Variants in DENND1A observed in about 807,000 individuals in gnomAD.
The protein encoded by DENND1A is DENN domain containing 1A, also known as DENN domain-containing protein 1A.
DENND1A carries 51 observed loss-of-function variants against 113.7 expected under a neutral mutation model. The ratio of observed to expected loss-of-function variants is 0.45; its 90% CI spans 0.36 to 0.57. The LOEUF (loss-of-function observed/expected upper bound fraction) is 0.57, where lower values mean the gene tolerates loss of function less well. Ranked by LOEUF, DENND1A falls within the 20% of genes least tolerant of loss-of-function variation. DENND1A has a pLI of 0.00. For missense variants in DENND1A, 1,258 were observed against 1,395.9 expected, an observed-to-expected ratio of 0.90 and a Z score of 1.57; for synonymous variants, 565 against 570.8, an observed-to-expected ratio of 0.99 and a Z score of 0.14.
At chr9:123,703,308 G>A (rs550325372) in intron 5 of DENND1A, among the ~76,000 whole-genome samples, 5 of 152,276 alleles carry the variant, frequency 3.3e-5, no homozygotes, top group Admixed American at 6.5e-5. Context: ...AGGGATATAC[G>A]TTATAAAAAG....
At chr9:123,452,561 G>C (rs1564515648) in intron 16 of DENND1A, among the ~76,000 whole-genome samples, 1 of 151,964 alleles carries the variant, frequency 6.6e-6, no homozygotes, top group Non-Finnish European at 1.5e-5. Context: ...TGTATGGACT[G>C]GGGATGAGGA....
intron 10 of DENND1A, among the ~76,000 whole-genome samples, chr9:123,626,102 A>C (rs1338292091): frequency 2.0e-5 from 3 of 151,566 alleles, no homozygotes; most frequent in South Asian, 4.2e-4. Context: ...CAATTTGCCC[A>C]GGCTGGTCTC....
At chr9:123,413,777 GT>G (rs1257278558) in intron 19 of DENND1A, 3 of 985,470 alleles carry the variant, frequency 3.0e-6, no homozygotes, top group Non-Finnish European at 3.6e-6. Flanking sequence ...AGGCCACCAT[GT>G]TTTTTCCCCT....
chr9:123,616,834 C>A (rs1369430738), intron 10 of DENND1A, among the ~76,000 whole-genome samples: 2 of 152,246 alleles, frequency 1.3e-5, no homozygotes, highest in African/African-American at 4.8e-5. Flanking sequence ...ATATCAGGCA[C>A]CATGCTGGCC....
intron 10 of DENND1A, among the ~76,000 whole-genome samples, chr9:123,621,421 A>G (rs2060958339): frequency 6.6e-6 from 1 of 152,092 alleles, no homozygotes; most frequent in South Asian, 2.1e-4. Context: ...TCTTGGCCCC[A>G]AGTGATCCAC....
intron 9 of DENND1A, among the ~76,000 whole-genome samples, chr9:123,646,996 C>T (rs2062372249): frequency 6.6e-6 from 1 of 152,138 alleles, no homozygotes; most frequent in South Asian, 2.1e-4. Context: ...AAATCATTTT[C>T]CCTTAGAAGG....
At chr9:123,713,094 T>C (rs2066741467) in intron 5 of DENND1A, among the ~76,000 whole-genome samples, 1 of 152,166 alleles carries the variant, frequency 6.6e-6, no homozygotes, top group Non-Finnish European at 1.5e-5. Context: ...TGAAGAGAAG[T>C]ATGCAGAAAA....
intron 13 of DENND1A, among the ~76,000 whole-genome samples, chr9:123,544,101 A>G (rs2056483916): frequency 1.3e-5 from 2 of 152,228 alleles, no homozygotes; most frequent in African/African-American, 4.8e-5. Context: ...CATGATTGTC[A>G]ATAATTTGCT....
intron 5 of DENND1A, among the ~76,000 whole-genome samples, chr9:123,707,780 TAG>T (rs1256864507): frequency 6.6e-6 from 1 of 152,064 alleles, no homozygotes; most frequent in Non-Finnish European, 1.5e-5. Flanking sequence ...GAAGAGGAAA[TAG>T]AGACCTAATG....
At chr9:123,713,289 G>A (rs2066753440) in intron 5 of DENND1A, among the ~76,000 whole-genome samples, 1 of 152,222 alleles carries the variant, frequency 6.6e-6, no homozygotes, top group Admixed American at 6.5e-5. Flanking sequence ...GAGATCACCT[G>A]AGGACTAAAA....
At chr9:123,570,763 C>T (rs751977150) in intron 12 of DENND1A, among the ~76,000 whole-genome samples, 7 of 152,128 alleles carry the variant, frequency 4.6e-5, no homozygotes, top group Non-Finnish European at 8.8e-5. Flanking sequence ...AAGGCCTAGT[C>T]CCTCGCTTCT....
At chr9:123,526,490 C>T (rs891142139) in intron 13 of DENND1A, among the ~76,000 whole-genome samples, 1 of 152,194 alleles carries the variant, frequency 6.6e-6, no homozygotes, top group Admixed American at 6.5e-5. Context: ...TCCCTCAGCC[C>T]TACATGACCA....
chr9:123,435,000 G>T (rs1217257928), intron 19 of DENND1A, among the ~76,000 whole-genome samples: 2 of 152,226 alleles, frequency 1.3e-5, no homozygotes, highest in African/African-American at 4.8e-5. Flanking sequence ...GGGGTGGAAG[G>T]AGAGGATCTG....
At chr9:123,497,840 C>G (rs1344700259) in intron 13 of DENND1A, among the ~76,000 whole-genome samples, 1 of 141,696 alleles carries the variant, frequency 7.1e-6, no homozygotes, top group Admixed American at 7.0e-5. Context: ...AAGAAAAAAT[C>G]TATCATTCTA....
At chr9:123,736,150 T>G (rs1255223710) in intron 5 of DENND1A, among the ~76,000 whole-genome samples, 1 of 152,240 alleles carries the variant, frequency 6.6e-6, no homozygotes, top group Non-Finnish European at 1.5e-5. Context: ...TTTGTCTTTA[T>G]CAAGGCTAAA....
chr9:123,708,273 A>G (rs750997649), intron 5 of DENND1A, among the ~76,000 whole-genome samples: 1 of 152,174 alleles, frequency 6.6e-6, no homozygotes, highest in Non-Finnish European at 1.5e-5. Flanking sequence ...TACCTTACAT[A>G]TATTCTATAT....
chr9:123,407,369 C>T (rs943814642), intron 20 of DENND1A, among the ~76,000 whole-genome samples: 12 of 152,054 alleles, frequency 7.9e-5, no homozygotes, highest in East Asian at 5.8e-4. Context: ...TCCAGACTTC[C>T]GTGTACACAC....
At chr9:123,773,269 G>A (rs918139136) in intron 3 of DENND1A, among the ~76,000 whole-genome samples, 2 of 152,158 alleles carry the variant, frequency 1.3e-5, no homozygotes, top group Non-Finnish European at 2.9e-5. Flanking sequence ...CCAAGCCTCA[G>A]AGTATGAACC....
At chr9:123,830,521 T>C (rs1927240) in intron 2 of DENND1A, among the ~76,000 whole-genome samples, 13,123 of 151,926 alleles carry the variant, frequency 0.086, 971 homozygotes, top group African/African-American at 0.2. Flanking sequence ...AAAAAACCTA[T>C]AGCCACCGTG....
Sources: gnomAD v4.1 joint callset for allele counts (sites outside exome capture counted in the v4.1 genomes callset) on GRCh38, gnomAD v4.1.1 for gene constraint, MANE v1.5 for transcripts, NCBI Gene and HGNC (gene_info 2026-07-23, HGNC 2026-07-21) for gene names.